The following FGF12 variants were observed in gnomAD, a reference collection of about 807,000 sequenced individuals.
The protein encoded by FGF12 is fibroblast growth factor 12.
FGF12 carries 14 observed loss-of-function variants against 23.6 expected under a neutral mutation model. The observed-to-expected ratio is 0.59, with a 90% CI of 0.39 to 0.93. The LOEUF is 0.93. Among genes scored for constraint, FGF12 ranks in the 40% least tolerant of loss-of-function variants. FGF12 has a pLI of 0.00. For missense variants in FGF12, 175 were observed against 217.8 expected, an observed-to-expected ratio of 0.80 and a Z score of 1.24; for synonymous variants, 62 against 77.3, an observed-to-expected ratio of 0.80 and a Z score of 1.04.
intron 4 of FGF12, among the ~76,000 whole-genome samples, chr3:192,259,175 T>C (rs1407574001): frequency 1.3e-5 from 2 of 152,170 alleles, no homozygotes; most frequent in African/African-American, 2.4e-5. Context: ...GCTTGATTAA[T>C]ATGACTGGAA....
At chr3:192,212,717 C>T (rs1362690411) in intron 4 of FGF12, among the ~76,000 whole-genome samples, 1 of 150,966 alleles carries the variant, frequency 6.6e-6, no homozygotes, top group Non-Finnish European at 1.5e-5. Context: ...AATAATGTGC[C>T]TCATTTTGTG....
At chr3:192,363,699 C>T (rs547780572) in intron 2 of FGF12, among the ~76,000 whole-genome samples, 1 of 152,110 alleles carries the variant, frequency 6.6e-6, no homozygotes, top group East Asian at 1.9e-4. Context: ...CTCAACATCA[C>T]CTTCTCCATG....
rs1717343293 is a variant in FGF12, at chr3:192,335,346, CTACAATGTACT to C, written c.228+4_228+14del. 1 of 1,552,640 alleles carries C rather than the reference CTACAATGTACT, an allele frequency of 6.4e-7. No individual in the cohort carries two copies. Among genetic ancestry groups the C allele is most frequent in the Admixed American group, 1.7e-5 (1 of 59,692 alleles). On this transcript the variant is annotated splice_donor_5th_base_variant and intron_variant, in intron 4 of 5. Coordinates refer to ENST00000445105, the MANE Select transcript of FGF12 (RefSeq NM_004113.6). ...TCACACACATACACACAAATACACA[CTACAATGTACT>C]TACTGAACTGTAGAGATAGCCTTCA... is the stretch of plus-strand genomic sequence containing the variant.
chr3:192,626,585 C>T (rs972680760), intron 2 of FGF12, among the ~76,000 whole-genome samples: 13 of 152,020 alleles, frequency 8.6e-5, no homozygotes, highest in Admixed American at 2.0e-4. Context: ...ATAAGTTAAA[C>T]GCTACATATA....
intron 2 of FGF12, among the ~76,000 whole-genome samples, chr3:192,369,562 G>A (rs1427882600): frequency 6.6e-6 from 1 of 152,196 alleles, no homozygotes; most frequent in Non-Finnish European, 1.5e-5. Flanking sequence ...GAGACGGAGG[G>A]CAGGAAAACT....
chr3:192,706,061 T>C (rs1718458041), intron 2 of FGF12, among the ~76,000 whole-genome samples: 3 of 152,194 alleles, frequency 2.0e-5, no homozygotes, highest in Admixed American at 2.0e-4. Context: ...TTAGCCTCCC[T>C]TTAAATACAC....
chr3:192,158,213 C>T (rs1278002194), intron 5 of FGF12, among the ~76,000 whole-genome samples: 1 of 152,164 alleles, frequency 6.6e-6, no homozygotes. Flanking sequence ...TCATGCTTCG[C>T]AAGTTACTTA....
chr3:192,669,870 T>C (rs1306840519), intron 2 of FGF12, among the ~76,000 whole-genome samples: 1 of 152,162 alleles, frequency 6.6e-6, no homozygotes, highest in African/African-American at 2.4e-5. Flanking sequence ...GATCAATATA[T>C]GATATTAAAG....
intron 3 of FGF12, among the ~76,000 whole-genome samples, chr3:192,359,473 T>A (rs1718621900): frequency 6.6e-6 from 1 of 152,180 alleles, no homozygotes; most frequent in East Asian, 1.9e-4. Context: ...CAGTGAGCAT[T>A]TATTGTGTGC....
chr3:192,617,999 A>G (rs1422607471), intron 2 of FGF12, among the ~76,000 whole-genome samples: 1 of 152,100 alleles, frequency 6.6e-6, no homozygotes, highest in Non-Finnish European at 1.5e-5. Context: ...ATATGACTCC[A>G]TCTGTATACC....
intron 3 of FGF12, among the ~76,000 whole-genome samples, chr3:192,356,496 T>C (rs1005045560): frequency 6.7e-6 from 1 of 149,736 alleles, no homozygotes; most frequent in Non-Finnish European, 1.5e-5. Context: ...CCCTCCAAAC[T>C]GCCATTGTCT....
chr3:192,347,226 A>T lies in FGF12; in HGVS notation c.125-11762T>A, dbSNP rs185306122. Among the ~76,000 whole-genome samples, 93 of 152,318 alleles carry T rather than the reference A, an allele frequency of 6.1e-4. 1 individual carries two copies. The East Asian group carries it at 0.015, about 24-fold the overall frequency. On this transcript the variant is annotated intron_variant, in intron 3 of 5. Transcript: ENST00000445105. The stretch of plus-strand genomic sequence containing the variant: ...GATAGTTCTAGCAAGCTCACATGCG[A>T]TACTGATTCTTCCCAAATCTTACCA...
At chr3:192,329,958 T>C (rs1192588615) in intron 4 of FGF12, among the ~76,000 whole-genome samples, 1 of 152,160 alleles carries the variant, frequency 6.6e-6, no homozygotes, top group Admixed American at 6.5e-5. Flanking sequence ...AAGAACTTTT[T>C]ATTTACTCTA....
chr3:192,276,532 G>C (rs1178867312), intron 4 of FGF12, among the ~76,000 whole-genome samples: 1 of 152,058 alleles, frequency 6.6e-6, no homozygotes, highest in Non-Finnish European at 1.5e-5. Flanking sequence ...TAATGTTGTT[G>C]TTGCAAGTTA....
chr3:192,549,376 T>C (rs1725573016), intron 2 of FGF12, among the ~76,000 whole-genome samples: 1 of 152,174 alleles, frequency 6.6e-6, no homozygotes, highest in East Asian at 1.9e-4. Flanking sequence ...GCTCCTGGAA[T>C]TGTGCTAAGT....
intron 2 of FGF12, among the ~76,000 whole-genome samples, chr3:192,567,793 C>CTTCCTTTCT (rs1712400199): frequency 7.7e-6 from 1 of 129,762 alleles, no homozygotes; most frequent in African/African-American, 2.8e-5. Flanking sequence ...TTCTTTCTTT[C>CTTCCTTTCT]TTTCTTTCTC....
intron 4 of FGF12, among the ~76,000 whole-genome samples, chr3:192,195,782 A>G (rs975768326): frequency 1.3e-5 from 2 of 152,182 alleles, no homozygotes; most frequent in Non-Finnish European, 2.9e-5. Context: ...ACACACACAC[A>G]CGCACACACA....
chr3:192,190,052 G>A (rs1358546259), intron 4 of FGF12, among the ~76,000 whole-genome samples: 1 of 152,084 alleles, frequency 6.6e-6, no homozygotes, highest in African/African-American at 2.4e-5. Flanking sequence ...AGCACTTAAG[G>A]TATGGCACAT....
rs571988707 is a variant in FGF12 at position 192,395,005 on chromosome 3, G to A, written c.14-34467C>T. Among the ~76,000 whole-genome samples, 4 of 152,246 alleles carry A rather than the reference G, an allele frequency of 2.6e-5. No homozygotes were observed. In the East Asian group the frequency reaches 5.8e-4, roughly 22 times the overall value. On this transcript the variant is annotated intron_variant, in intron 2 of 5. Coordinates refer to ENST00000445105, the MANE Select transcript of FGF12 (RefSeq NM_004113.6). ...TATTTAACACTAAGATGACTTGTTG[G>A]TCTCAGCTGTAAATATAAGGACCAG...
Sources: allele counts gnomAD v4.1 joint callset (sites outside exome capture counted in the v4.1 genomes callset), GRCh38; gene constraint gnomAD v4.1.1; transcripts MANE v1.5; gene names NCBI Gene and HGNC (gene_info 2026-07-23, HGNC 2026-07-21).